The following DNA2 variants were observed in gnomAD, a reference collection of about 807,000 sequenced individuals.
The protein encoded by DNA2 is DNA replication helicase/nuclease 2.
DNA2 carries 101 observed loss-of-function variants against 119.1 expected under a neutral mutation model. That is an observed-to-expected ratio of 0.85 (90% confidence interval 0.72 to 1.00). The LOEUF (loss-of-function observed/expected upper bound fraction) is 1.00, where lower values mean the gene tolerates loss of function less well. DNA2 is among the 50% of genes least tolerant of loss of function. The pLI is 0.00. For missense variants in DNA2, 1,121 were observed against 1,255.5 expected, an observed-to-expected ratio of 0.89 and a Z score of 1.62; for synonymous variants, 366 against 424.4, an observed-to-expected ratio of 0.86 and a Z score of 1.69.
Position 68,422,705 on chromosome 10 carries a change from ACGGT to A in DNA2, c.2390_2393del (p.Asn797MetfsTer8). 6.2e-7 allele frequency: 1 copy of A among 1,612,696 alleles called. No homozygotes were observed. The highest frequency in any genetic ancestry group is 2.2e-5 in the East Asian group (1 of 44,876). On this transcript the variant is annotated frameshift_variant, in exon 15 of 21. Transcript: ENST00000358410. LOFTEE classifies it high-confidence loss of function. ...CTTAAGTGTCTGCCTACCTTGCTTCACGGTTTAGCACCAGGGGAGGAAGCTGCTG... is the reference window on the plus strand; with the variant it reads ...CTTAAGTGTCTGCCTACCTTGCTTCATTAGCACCAGGGGAGGAAGCTGCTG...
intron 14 of DNA2, among the ~76,000 whole-genome samples, chr10:68,429,343 G>A (rs376334885): frequency 3.3e-5 from 5 of 151,626 alleles, no homozygotes; most frequent in East Asian, 1.9e-4. Context: ...TTGGGAGTGC[G>A]AGACCAGCCT....
At chr10:68,466,484 T>A (rs1039643789) in intron 3 of DNA2, among the ~76,000 whole-genome samples, 2 of 151,876 alleles carry the variant, frequency 1.3e-5, no homozygotes, top group Non-Finnish European at 2.9e-5. Flanking sequence ...AGAAAAAAAA[T>A]TTTTTTAACC....
At chr10:68,466,907 G>A (rs900639157) in intron 3 of DNA2, among the ~76,000 whole-genome samples, 24 of 151,506 alleles carry the variant, frequency 1.6e-4, no homozygotes, top group Non-Finnish European at 3.1e-4. Flanking sequence ...TTAATATTCA[G>A]GCCAAGCACA....
Position 68,435,022 on chromosome 10 carries a change from C to T in DNA2, c.1646+1989G>A, listed in dbSNP as rs567415283. On this transcript the variant is annotated intron_variant, in intron 10 of 20. Transcript: ENST00000358410. ...GAAAGAGGAGGGAATATGGATTATT[C>T]GTGAATATGGATATTGGTCTCTGCC... 9.9e-4 allele frequency among the ~76,000 whole-genome samples: 151 copies of T among 152,122 alleles called. 2 individuals are homozygous for T. In the Middle Eastern group the frequency reaches 0.01, roughly 10 times the overall value.
In DNA2 at chr10:68,450,081, G is replaced by A. The variant is rs765095113; in HGVS notation, c.886C>T (p.Pro296Ser). 5.6e-6 allele frequency: 9 copies of A among 1,602,022 alleles called. No homozygotes were observed. In the South Asian group the frequency reaches 8.9e-5, roughly 16 times the overall value. The change falls in exon 6 of 21, where the codon CCG becomes TCG. Residue 296 changes from proline to serine, a missense_variant. By Grantham distance (74) the Pro-to-Ser change is moderately conservative. Coordinates refer to ENST00000358410, the MANE Select transcript of DNA2 (RefSeq NM_001080449.3). ...TCTTTGCCAGTTTTAAGTTCCAGCG[G>A]CATTATCTTGTATTTTGTTTTATAC... ...RGYKTKYKIMPLELKTGKESN... is the reference protein window; with the variant it reads ...RGYKTKYKIMSLELKTGKESN...
intron 5 of DNA2, among the ~76,000 whole-genome samples, chr10:68,451,096 T>C (rs1398081588): frequency 1.0e-5 from 1 of 98,848 alleles, no homozygotes; most frequent in Non-Finnish European, 2.1e-5. Context: ...CAAGACTGTC[T>C]AAAAAAAAAA....
intron 3 of DNA2, among the ~76,000 whole-genome samples, chr10:68,467,230 C>A (rs1286350715): frequency 6.6e-6 from 1 of 151,974 alleles, no homozygotes; most frequent in Non-Finnish European, 1.5e-5. Flanking sequence ...TCTGCCTCAG[C>A]CTCTCGAGTA....
chr10:68,436,900 C>T (rs772691445), intron 10 of DNA2, 111 bp downstream of exon 10: 39 of 816,416 alleles, frequency 4.8e-5, no homozygotes, highest in Middle Eastern at 3.6e-4. Flanking sequence ...AGCTGCACAA[C>T]GCTGTGAATA....
In DNA2 at chr10:68,422,830, C is replaced by G; in HGVS notation, c.2269G>C (p.Asp757His). The change falls in exon 15 of 21, where the codon GAT becomes CAT. Residue 757 changes from aspartate (D) to histidine (H), a missense_variant. Coordinates refer to ENST00000358410, the MANE Select transcript of DNA2 (RefSeq NM_001080449.3). ...NHPIFSRKIF[D>H]FCIVDEASQI... ...GAGGCTTCATCCACAATACAAAAATCAAAAATTTTACGGGAAAATATTGGA... is the reference window on the plus strand; with the variant it reads ...GAGGCTTCATCCACAATACAAAAATGAAAAATTTTACGGGAAAATATTGGA... 6.2e-7 allele frequency: 1 copy of G among 1,608,008 alleles called. No homozygotes were observed. The highest frequency in any genetic ancestry group is 8.5e-7 in the Non-Finnish European group (1 of 1,178,562).
At chr10:68,429,771 A>T (rs939276872) in intron 14 of DNA2, among the ~76,000 whole-genome samples, 2 of 150,636 alleles carry the variant, frequency 1.3e-5, no homozygotes, top group African/African-American at 4.9e-5. Context: ...ATAAATAAAC[A>T]TTAAATAACA....
intron 18 of DNA2, 176 bp from the exon 19 acceptor site, chr10:68,419,389 G>A: frequency 1.8e-6 from 1 of 570,552 alleles, no homozygotes; most frequent in South Asian, 2.7e-5. Flanking sequence ...TATTTCCCAG[G>A]ATGAAATAAT....
chr10:68,428,199 C>T (rs7096507), intron 14 of DNA2, among the ~76,000 whole-genome samples: 3 of 150,762 alleles, frequency 2.0e-5, no homozygotes, highest in African/African-American at 7.3e-5. Context: ...TGGTGGCAGG[C>T]GCCTGTAGTC....
Position 68,470,100 on chromosome 10 carries a change from C to T in DNA2, c.138G>A (p.Arg46=). ...CAGTATTGACTGCCAACACCAGGTA[C>T]CGGTTATCCATTCCTGTGCTCAGAA... ...RTVLSTGMDN[R]YLVLAVNTVQ... is the part of the protein sequence containing the mutation. The change falls in exon 2 of 21, where the codon CGG becomes CGA. Residue 46 remains arginine (R), a synonymous_variant. Transcript: ENST00000358410. 6.2e-7 allele frequency: 1 copy of T among 1,613,544 alleles called. No homozygotes were observed. The highest frequency in any genetic ancestry group is 8.5e-7 in the Non-Finnish European group (1 of 1,179,802).
intron 4 of DNA2, among the ~76,000 whole-genome samples, chr10:68,461,152 GT>G (rs1201409967): frequency 6.6e-6 from 1 of 152,134 alleles, no homozygotes; most frequent in Admixed American, 6.6e-5. Context: ...ATATAGGAAT[GT>G]TAACTTCTTA....
chr10:68,442,998 C>T lies in DNA2; in HGVS notation c.1334G>A (p.Cys445Tyr). 1 of 1,612,096 alleles carries T rather than the reference C, an allele frequency of 6.2e-7. No homozygotes were observed. The highest frequency in any genetic ancestry group is 8.5e-7 in the Non-Finnish European group (1 of 1,179,000). The change falls in exon 9 of 21, where the codon TGT (cysteine) becomes TAT (tyrosine). Residue 445 changes from cysteine (C) to tyrosine (Y), a missense_variant. Physicochemically the swap from Cys to Tyr is radical, Grantham distance 194. Coordinates refer to ENST00000358410, the MANE Select transcript of DNA2 (RefSeq NM_001080449.3). ...QTHLEYFSLW[C>Y]LMLTLESQSK... is the part of the protein sequence containing the mutation. The stretch of plus-strand genomic sequence containing the variant: ...TTGTGACTCCAGGGTTAACATTAGA[C>T]ACCAAAGGCTGAAATATTCTAAGTG...
intron 5 of DNA2, among the ~76,000 whole-genome samples, chr10:68,452,134 G>C (rs1279913887): frequency 6.6e-6 from 1 of 152,004 alleles, no homozygotes; most frequent in East Asian, 1.9e-4. Flanking sequence ...CCGGGGTAGA[G>C]TGCAGTGGCA....
At chr10:68,448,839 G>A (rs545514773) in intron 6 of DNA2, among the ~76,000 whole-genome samples, 9 of 152,130 alleles carry the variant, frequency 5.9e-5, no homozygotes, top group Non-Finnish European at 8.8e-5. Context: ...GTGCAGTGGC[G>A]TGATCTCAGC....
At chr10:68,438,205 A>C (rs1370188049) in intron 9 of DNA2, among the ~76,000 whole-genome samples, 1 of 151,886 alleles carries the variant, frequency 6.6e-6, no homozygotes, top group South Asian at 2.1e-4. Context: ...AACCATAATA[A>C]CCTGCTCCCA....
intron 3 of DNA2, among the ~76,000 whole-genome samples, chr10:68,466,265 A>G (rs2052325647): frequency 6.6e-6 from 1 of 152,098 alleles, no homozygotes; most frequent in South Asian, 2.1e-4. Flanking sequence ...TTTAAAATCA[A>G]TGTTCTCCAT....
Sources: gnomAD v4.1 joint callset for allele counts (sites outside exome capture counted in the v4.1 genomes callset) on GRCh38, gnomAD v4.1.1 for gene constraint, MANE v1.5 for transcripts, NCBI Gene and HGNC (gene_info 2026-07-23, HGNC 2026-07-21) for gene names.